IL1R1: variants seen among roughly 807,000 people sequenced by gnomAD.
The protein encoded by IL1R1 is interleukin 1 receptor type 1.
Under a neutral mutation model 50.2 loss-of-function variants are expected in IL1R1, and 22 were observed. That is an observed-to-expected ratio of 0.44 (90% CI 0.31 to 0.63). The LOEUF (loss-of-function observed/expected upper bound fraction) is 0.63, where lower values mean the gene tolerates loss of function less well. Ranked by LOEUF, IL1R1 falls within the 20% of genes least tolerant of loss-of-function variation. The pLI is 0.07. For synonymous variants in IL1R1, 251 were observed against 236.7 expected (o/e 1.06, Z -0.55); for missense variants, 509 against 676.2 (o/e 0.75, Z 2.74).
At chr2:102,129,404 T>C (rs995923297) in intron 1 of IL1R1, among the ~76,000 whole-genome samples, 1 of 152,234 alleles carries the variant, frequency 6.6e-6, no homozygotes, top group South Asian at 2.1e-4. Context: ...AGGAACCCGA[T>C]AGGTGCTTGA....
At chr2:102,161,665 A>G (rs1467165439) in intron 3 of IL1R1, among the ~76,000 whole-genome samples, 1 of 152,076 alleles carries the variant, frequency 6.6e-6, no homozygotes, top group Non-Finnish European at 1.5e-5. Context: ...CTGTTGATTA[A>G]TGACTTCTTT....
At chr2:102,111,378 C>T (rs2104366733) in intron 1 of IL1R1, among the ~76,000 whole-genome samples, 1 of 152,324 alleles carries the variant, frequency 6.6e-6, no homozygotes, top group South Asian at 2.1e-4. Flanking sequence ...TATCTCTTGG[C>T]CAACCTTGTC....
chr2:102,098,166 A>C (rs569358067), intron 1 of IL1R1, among the ~76,000 whole-genome samples: 3 of 152,104 alleles, frequency 2.0e-5, no homozygotes, highest in Non-Finnish European at 4.4e-5. Flanking sequence ...AAAAACTGTT[A>C]TTAATAGATG....
At chr2:102,118,413 A>G (rs1429301295) in intron 1 of IL1R1, among the ~76,000 whole-genome samples, 3 of 152,164 alleles carry the variant, frequency 2.0e-5, no homozygotes, top group Non-Finnish European at 4.4e-5. Flanking sequence ...AAGCTGGGAA[A>G]TGTGTTTCCC....
intron 1 of IL1R1, among the ~76,000 whole-genome samples, chr2:102,146,653 T>C (rs1577956306): frequency 6.6e-6 from 1 of 152,174 alleles, no homozygotes; most frequent in Non-Finnish European, 1.5e-5. Context: ...TCCTGAAAAA[T>C]TTAGTGTGTA....
At chr2:102,101,955 A>T (rs1051963507), upstream of IL1R1, among the ~76,000 whole-genome samples, 1 of 152,086 alleles carries the variant, frequency 6.6e-6, no homozygotes, top group Non-Finnish European at 1.5e-5. Context: ...GACAAAACCC[A>T]GGCAAAAGCG....
intron 1 of IL1R1, among the ~76,000 whole-genome samples, chr2:102,074,259 C>T (rs1481555199): frequency 6.6e-6 from 1 of 152,176 alleles, no homozygotes; most frequent in African/African-American, 2.4e-5. Flanking sequence ...CAGTTCTGCT[C>T]CACATGACGT....
intron 1 of IL1R1, among the ~76,000 whole-genome samples, chr2:102,111,101 CAG>C (rs67388579): frequency 0.26 from 39,766 of 151,302 alleles, 5,756 homozygotes; most frequent in African/African-American, 0.39. Flanking sequence ...GAGCTGGAGA[CAG>C]AGGCAGAGGC....
In IL1R1 at chr2:102,151,903, G is replaced by A. The variant is rs917022917; in HGVS notation, c.-83-2038G>A. On this transcript the variant is annotated intron_variant, in intron 1 of 11. Coordinates refer to ENST00000410023, the MANE Select transcript of IL1R1 (RefSeq NM_000877.4). ...AACGGCAAGGTAGGGAGCCAGCGCT[G>A]GACACAGAGCCAGCTGAACAGTGAA... Among the ~76,000 whole-genome samples, 52 of 152,286 alleles carry A rather than the reference G, an allele frequency of 3.4e-4. No individual in the cohort carries two copies. In the Middle Eastern group the frequency reaches 0.01, roughly 30 times the overall value.
intron 1 of IL1R1, among the ~76,000 whole-genome samples, chr2:102,079,597 G>A (rs538527267): frequency 9.2e-5 from 14 of 151,908 alleles, no homozygotes; most frequent in African/African-American, 2.4e-4. Flanking sequence ...TTTTAAAATC[G>A]CTCAATTAAT....
At chr2:102,155,292 A>C (rs1445982346) in intron 2 of IL1R1, among the ~76,000 whole-genome samples, 2 of 152,240 alleles carry the variant, frequency 1.3e-5, no homozygotes, top group African/African-American at 2.4e-5. Context: ...CATCAATGAC[A>C]TGCTGTCACT....
intron 1 of IL1R1, among the ~76,000 whole-genome samples, chr2:102,123,786 A>G (rs906058939): frequency 4.4e-5 from 4 of 91,946 alleles, no homozygotes; most frequent in Non-Finnish European, 8.9e-5. Context: ...TTAATAAAAT[A>G]AAATAAAATA....
intron 1 of IL1R1, among the ~76,000 whole-genome samples, chr2:102,106,456 A>G (rs529051006): frequency 5.8e-4 from 89 of 152,308 alleles, no homozygotes; most frequent in African/African-American, 2.0e-3. Flanking sequence ...CATTGAACTG[A>G]CAAACCCCGT....
intron 1 of IL1R1, among the ~76,000 whole-genome samples, chr2:102,083,100 T>G (rs994744215): frequency 6.6e-6 from 1 of 152,142 alleles, no homozygotes; most frequent in Non-Finnish European, 1.5e-5. Context: ...ATGCTCCGCA[T>G]GAAGGGATTT....
At chr2:102,085,362 C>G (rs1025471331) in intron 1 of IL1R1, among the ~76,000 whole-genome samples, 1 of 152,188 alleles carries the variant, frequency 6.6e-6, no homozygotes, top group African/African-American at 2.4e-5. Flanking sequence ...ACATTCAGAT[C>G]TGCAGACCAA....
Position 102,176,981 on chromosome 2 carries a change from G to A in IL1R1, c.*222G>A, listed in dbSNP as rs3917323. The A allele has an allele frequency of 0.02, 10,259 of 521,058 alleles. 201 individuals carry two copies. Among genetic ancestry groups the A allele is most frequent in the African/African-American group, 0.064 (3,397 of 52,694 alleles). 32.3% of individuals were successfully genotyped at this position (521,058 alleles called of 1,614,324 possible). A position where few individuals can be genotyped will look rare whatever the true frequency, so the allele number is the denominator to read the frequency against. ...CTTGGGAAGATCTTTTAAAAAGGCA[G>A]TAGGCCCGGTGTGGTGGCTCACGCC... On this transcript the variant is annotated 3_prime_UTR_variant, in exon 12 of 12. Coordinates refer to ENST00000410023, the MANE Select transcript of IL1R1 (RefSeq NM_000877.4).
chr2:102,176,792 C>T lies in IL1R1; in HGVS notation c.*33C>T, dbSNP rs780579171. On this transcript the variant is annotated 3_prime_UTR_variant, in exon 12 of 12. Coordinates refer to ENST00000410023, the MANE Select transcript of IL1R1 (RefSeq NM_000877.4). ...AAGTTGCCAAGAGTTCTTTAGGTGCCTCCTGTCTTATGGCGTTGCAGGCCA... is the reference window on the plus strand; with the variant it reads ...AAGTTGCCAAGAGTTCTTTAGGTGCTTCCTGTCTTATGGCGTTGCAGGCCA... 1 of 1,602,346 alleles carries T rather than the reference C, an allele frequency of 6.2e-7. No individual in the cohort carries two copies. The highest frequency in any genetic ancestry group is 8.5e-7 in the Non-Finnish European group (1 of 1,172,246).
intron 8 of IL1R1, 44 bp from the exon 9 acceptor site, chr2:102,172,643 T>C (rs1262249161): frequency 1.3e-6 from 2 of 1,518,420 alleles, no homozygotes. Flanking sequence ...TTGTAGTTGA[T>C]GCAATTAACT....
intron 1 of IL1R1, among the ~76,000 whole-genome samples, chr2:102,150,812 A>C (rs989029736): frequency 5.3e-5 from 8 of 152,200 alleles, no homozygotes; most frequent in Non-Finnish European, 1.2e-4. Flanking sequence ...GGAAGCTGCT[A>C]TGGAGAGGAT....
Sources: allele counts gnomAD v4.1 joint callset (sites outside exome capture counted in the v4.1 genomes callset), GRCh38; gene constraint gnomAD v4.1.1; transcripts MANE v1.5; gene names NCBI Gene and HGNC (gene_info 2026-07-23, HGNC 2026-07-21).